Variants in TSPEAR observed in about 807,000 individuals in gnomAD.
The protein encoded by TSPEAR is thrombospondin-type laminin G domain and EAR repeat-containing protein.
A neutral mutation model predicts 71.6 loss-of-function variants in TSPEAR; 69 were observed. That is an observed-to-expected ratio of 0.96 (90% CI 0.79 to 1.18). The LOEUF is 1.18. Among genes scored for constraint, TSPEAR ranks in the 50% most tolerant of loss-of-function variants. The pLI, the probability that TSPEAR is intolerant of heterozygous loss-of-function variation, is 0.00. For missense variants in TSPEAR, 971 were observed against 894.9 expected (o/e 1.09, Z -1.09); for synonymous variants, 402 against 387.2 (o/e 1.04, Z -0.45).
At chr21:44,629,009 A>G (rs1555935249) in intron 1 of TSPEAR, among the ~76,000 whole-genome samples, 1 of 152,070 alleles carries the variant, frequency 6.6e-6, no homozygotes, top group South Asian at 2.1e-4. Flanking sequence ...ACAGTGTGGG[A>G]ATGTGTCCAG....
intron 1 of TSPEAR, chr21:44,666,505 G>T (rs1985768629): frequency 1.2e-6 from 2 of 1,612,032 alleles, no homozygotes; most frequent in African/African-American, 2.7e-5. Flanking sequence ...GTGCAGGAGG[G>T]CTGGCAGCAC....
Position 44,655,830 on chromosome 21 carries a change from G to C in TSPEAR, c.82+55603C>G, listed in dbSNP as rs1471183166. Among the ~76,000 whole-genome samples the C allele has an allele frequency of 3.9e-5, 6 of 152,304 alleles. No individual in the cohort carries two copies. In the East Asian group the frequency reaches 1.2e-3, roughly 29 times the overall value. On this transcript the variant is annotated intron_variant, in intron 1 of 11. Transcript: ENST00000323084. The stretch of plus-strand genomic sequence containing the variant: ...GGGCAGAGCTACTCTGTCCATCCCA[G>C]GCAGCTCCCAGGGGCACCCTCTGCT...
chr21:44,566,740 G>T (rs2053708289), intron 2 of TSPEAR, among the ~76,000 whole-genome samples: 1 of 152,070 alleles, frequency 6.6e-6, no homozygotes, highest in South Asian at 2.1e-4. Context: ...TTCTCACAAG[G>T]TTGTCAAGAC....
chr21:44,596,453 G>A (rs587706268), intron 1 of TSPEAR, among the ~76,000 whole-genome samples: 9 of 152,346 alleles, frequency 5.9e-5, no homozygotes, highest in Middle Eastern at 3.4e-3. Context: ...TCTGTCTCCC[G>A]CTGTCTGGAC....
Position 44,498,471 on chromosome 21 carries a change from C to T in TSPEAR, c.*1312G>A, listed in dbSNP as rs1308376043. ...GGGAGTGGCTCTCCACTGGCCACAG[C>T]GATGGCTGGAGTGAGACCTGAGCCC... On this transcript the variant is annotated 3_prime_UTR_variant, in exon 12 of 12. Transcript: ENST00000323084. 3 of 152,134 alleles carry T rather than the reference C, an allele frequency of 2.0e-5. No homozygotes were observed. The highest frequency in any genetic ancestry group is 4.8e-5 in the African/African-American group (2 of 41,412). The allele number at this position is 152,134 out of a possible 1,614,324, so 9.4% of individuals were successfully genotyped here. A position where few individuals can be genotyped will look rare whatever the true frequency, so the allele number is the denominator to read the frequency against.
intron 1 of TSPEAR, among the ~76,000 whole-genome samples, chr21:44,675,345 T>C (rs1986258897): frequency 1.3e-5 from 2 of 152,182 alleles, no homozygotes; most frequent in Non-Finnish European, 2.9e-5. Flanking sequence ...TCTCAATAGA[T>C]GCAGAAAAAG....
chr21:44,627,490 C>T (rs372273788), intron 1 of TSPEAR: 3 of 1,541,334 alleles, frequency 1.9e-6, no homozygotes, highest in Non-Finnish European at 2.6e-6. Context: ...CTGCTGCAAG[C>T]CTGTGTGCTG....
Position 44,527,440 on chromosome 21 carries a change from C to T in TSPEAR, c.1001G>A (p.Arg334His), listed in dbSNP as rs868907838. ...CACAAAGAGCCCCACCTGAGGGATG[C>T]GGAACACCTCAATGCCCAGGGTCTC... ...NSETLGIEVF[R>H]IPQVGLFVAT... Residue 334 changes from arginine (R) to histidine (H), a missense_variant, in exon 7 of 12, where the codon CGC (arginine) becomes CAC (histidine). By Grantham distance (29) the Arg-to-His change is conservative. Coordinates refer to ENST00000323084, the MANE Select transcript of TSPEAR (RefSeq NM_144991.3). 9 of 1,614,118 alleles carry T rather than the reference C, an allele frequency of 5.6e-6. No homozygotes were observed. Among genetic ancestry groups the T allele is most frequent in the East Asian group, 2.2e-5 (1 of 44,902 alleles).
At chr21:44,668,707 T>C (rs1985910909) in intron 1 of TSPEAR, among the ~76,000 whole-genome samples, 1 of 152,214 alleles carries the variant, frequency 6.6e-6, no homozygotes. Context: ...ACTAATGGAA[T>C]AGCATAGAGA....
rs1986386227 is a variant in TSPEAR, at chr21:44,677,754, A to G, written c.82+33679T>C. 21 of 1,353,564 alleles carry G rather than the reference A, an allele frequency of 1.6e-5. No homozygotes were observed. In the South Asian group the frequency reaches 2.3e-4, roughly 15 times the overall value. 83.8% of individuals were successfully genotyped at this position (1,353,564 alleles called of 1,614,324 possible). On this transcript the variant is annotated intron_variant, in intron 1 of 11. Transcript: ENST00000323084. Reference sequence around the variant, plus strand: ...TTTTGTTACTTCTGATACACTAGAGATTTTTAGTGGACCAGACTGAGTTGA... The same window carrying G: ...TTTTGTTACTTCTGATACACTAGAGGTTTTTAGTGGACCAGACTGAGTTGA...
At chr21:44,521,736 C>T in intron 9 of TSPEAR, 147 bp downstream of exon 9, 1 of 733,096 alleles carries the variant, frequency 1.4e-6, no homozygotes, top group Non-Finnish European at 2.2e-6. Context: ...AGGAGCAGGC[C>T]CTGCCTGGGT....
rs587645251 is a variant in TSPEAR, at chr21:44,627,052, G to A, written c.83-59047C>T. 14 of 1,469,864 alleles carry A rather than the reference G, an allele frequency of 9.5e-6. No homozygotes were observed. The Admixed American group carries it at 2.0e-4, about 21-fold the overall frequency. 91.1% of individuals were successfully genotyped at this position (1,469,864 alleles called of 1,614,324 possible). On this transcript the variant is annotated intron_variant, in intron 1 of 11. Transcript: ENST00000323084. The stretch of plus-strand genomic sequence containing the variant: ...GAAGCTGTGGGCCCTGGAACAACAA[G>A]GCCAGGAGGGGTATAAAAGCCTGAG...
At chr21:44,684,205 G>A (rs8134266) in intron 1 of TSPEAR, among the ~76,000 whole-genome samples, 97,487 of 152,020 alleles carry the variant, frequency 0.64, 31,415 homozygotes, top group South Asian at 0.72. Context: ...CTGGCAATCC[G>A]GAAGTCTACA....
Position 44,661,020 on chromosome 21 carries a change from G to A in TSPEAR, c.82+50413C>T, listed in dbSNP as rs587713817. 7.5e-3 allele frequency among the ~76,000 whole-genome samples: 1,132 copies of A among 151,098 alleles called. 6 individuals carry two copies. Among genetic ancestry groups the A allele is most frequent in the Non-Finnish European group, 0.01 (688 of 67,704 alleles). On this transcript the variant is annotated intron_variant, in intron 1 of 11. Coordinates refer to ENST00000323084, the MANE Select transcript of TSPEAR (RefSeq NM_144991.3). ...AGATAAATATAAATAGGCCGGGCGC[G>A]GTGGCTCACGCCTGTAATCCCAGCA... is the stretch of plus-strand genomic sequence containing the variant.
chr21:44,557,092 A>G (rs2053544203), intron 2 of TSPEAR, among the ~76,000 whole-genome samples: 1 of 152,174 alleles, frequency 6.6e-6, no homozygotes, highest in Non-Finnish European at 1.5e-5. Flanking sequence ...GGCCAGAATG[A>G]GGTTTTGAGC....
At chr21:44,527,887 A>G (rs2052889319) in intron 6 of TSPEAR, among the ~76,000 whole-genome samples, 1 of 152,140 alleles carries the variant, frequency 6.6e-6, no homozygotes, top group African/African-American at 2.4e-5. Flanking sequence ...TGGAGCATCT[A>G]TCGCCACCTC....
intron 2 of TSPEAR, chr21:44,550,608 T>C: frequency 6.4e-7 from 1 of 1,565,280 alleles, no homozygotes; most frequent in Non-Finnish European, 8.7e-7. Flanking sequence ...TGCTGAGCTG[T>C]GCTGAGGCTG....
intron 1 of TSPEAR, among the ~76,000 whole-genome samples, chr21:44,576,333 C>G (rs988371931): frequency 3.5e-4 from 53 of 150,332 alleles, no homozygotes; most frequent in African/African-American, 1.2e-3. Flanking sequence ...CATGGGTGAA[C>G]AGACACACGG....
intron 1 of TSPEAR, among the ~76,000 whole-genome samples, chr21:44,608,880 G>C (rs1981480641): frequency 6.6e-6 from 1 of 152,204 alleles, no homozygotes; most frequent in Non-Finnish European, 1.5e-5. Flanking sequence ...ACAATGAAGA[G>C]AAATTAGTAA....
Sources: allele counts gnomAD v4.1 joint callset (sites outside exome capture counted in the v4.1 genomes callset), GRCh38; gene constraint gnomAD v4.1.1; transcripts MANE v1.5; gene names NCBI Gene and HGNC (gene_info 2026-07-23, HGNC 2026-07-21).